KCNMA1: variants seen among roughly 807,000 people sequenced by gnomAD.
KCNMA1 encodes potassium calcium-activated channel subfamily M alpha 1, also known as Calcium-activated potassium channel subunit alpha-1.
In KCNMA1, 29 loss-of-function variants were observed where a neutral mutation model predicts 140.0. The observed-to-expected ratio is 0.21, with a 90% CI of 0.15 to 0.28. KCNMA1 has a LOEUF of 0.28. Ranked by LOEUF, KCNMA1 falls within the 10% of genes least tolerant of loss-of-function variation. The pLI is 1.00. For missense variants in KCNMA1, 880 were observed against 1,602.2 expected (o/e 0.55, Z 7.70); for synonymous variants, 612 against 611.9 (o/e 1.00, Z 0.00).
At chr10:77,302,776 AAC>A (rs2076834149) in intron 2 of KCNMA1, among the ~76,000 whole-genome samples, 1 of 152,152 alleles carries the variant, frequency 6.6e-6, no homozygotes, top group African/African-American at 2.4e-5. Flanking sequence ...AAAAAAAGGC[AAC>A]AGTGTAAAAA....
chr10:77,611,778 C>T (rs1012261730), intron 1 of KCNMA1, among the ~76,000 whole-genome samples: 1 of 152,104 alleles, frequency 6.6e-6, no homozygotes, highest in Non-Finnish European at 1.5e-5. Context: ...ACCAAAAACC[C>T]TTGCTGTGTG....
At chr10:77,509,172 G>A (rs1443761963) in intron 1 of KCNMA1, among the ~76,000 whole-genome samples, 1 of 152,092 alleles carries the variant, frequency 6.6e-6, no homozygotes, top group Non-Finnish European at 1.5e-5. Flanking sequence ...CCAGGCTGGA[G>A]TGCAGTGATG....
intron 5 of KCNMA1, among the ~76,000 whole-genome samples, chr10:77,135,767 T>C (rs775189371): frequency 6.6e-6 from 1 of 152,150 alleles, no homozygotes. Context: ...ATCTCACTCA[T>C]ATAAAACAGC....
At chr10:77,330,459 C>T (rs1194761680) in intron 2 of KCNMA1, among the ~76,000 whole-genome samples, 1 of 152,172 alleles carries the variant, frequency 6.6e-6, no homozygotes, top group Non-Finnish European at 1.5e-5. Context: ...AATATTAGTT[C>T]AGTGTTCCCA....
At chr10:77,361,823 C>T (rs1219256525) in intron 2 of KCNMA1, among the ~76,000 whole-genome samples, 1 of 152,222 alleles carries the variant, frequency 6.6e-6, no homozygotes, top group Non-Finnish European at 1.5e-5. Flanking sequence ...AAGAGCTGCC[C>T]AGGCTGATAT....
chr10:76,915,286 C>T (rs2052325322), intron 23 of KCNMA1, among the ~76,000 whole-genome samples: 2 of 152,118 alleles, frequency 1.3e-5, no homozygotes, highest in Non-Finnish European at 2.9e-5. Flanking sequence ...AGACTTCATA[C>T]CAATTATTTA....
At chr10:77,073,043 C>A in intron 14 of KCNMA1, 54 bp downstream of exon 14, 1 of 1,553,148 alleles carries the variant, frequency 6.4e-7, no homozygotes, top group Non-Finnish European at 8.9e-7. Flanking sequence ...CTCTACTCAA[C>A]CCCACGACAA....
At chr10:76,943,121 T>C (rs1350771344) in intron 23 of KCNMA1, among the ~76,000 whole-genome samples, 1 of 152,172 alleles carries the variant, frequency 6.6e-6, no homozygotes. Context: ...CCGGCTTGCC[T>C]CTTTCAACTC....
intron 1 of KCNMA1, among the ~76,000 whole-genome samples, chr10:77,593,654 C>A (rs914218185): frequency 6.6e-6 from 1 of 152,166 alleles, no homozygotes; most frequent in Non-Finnish European, 1.5e-5. Flanking sequence ...AATGTTATTT[C>A]TTTGGCATAG....
At chr10:77,382,439 A>G (rs924879432) in intron 2 of KCNMA1, among the ~76,000 whole-genome samples, 1 of 152,242 alleles carries the variant, frequency 6.6e-6, no homozygotes, top group Non-Finnish European at 1.5e-5. Context: ...TTGGAGGAGA[A>G]GAGCCCCTAT....
At chr10:76,970,148 C>T in intron 19 of KCNMA1, 81 bp from the exon 20 acceptor site, 4 of 1,064,742 alleles carry the variant, frequency 3.8e-6, no homozygotes, top group African/African-American at 1.6e-5. Flanking sequence ...AAAGGACACA[C>T]ACTCAAGGCT....
Position 77,389,000 on chromosome 10 carries a change from A to G in KCNMA1, c.540+14862T>C, listed in dbSNP as rs551159267. ...AAACTAGGCACAAGGGCAGAGGAATAGTGATGTTTTCTAATTTAGCATCCA... is the reference window on the plus strand; with the variant it reads ...AAACTAGGCACAAGGGCAGAGGAATGGTGATGTTTTCTAATTTAGCATCCA... On this transcript the variant is annotated intron_variant, in intron 2 of 27. Transcript: ENST00000286628. 2.6e-5 allele frequency among the ~76,000 whole-genome samples: 4 copies of G among 152,342 alleles called. No homozygotes were observed. In the South Asian group the frequency reaches 8.3e-4, roughly 32 times the overall value.
At chr10:77,576,455 C>G (rs2074119607) in intron 1 of KCNMA1, among the ~76,000 whole-genome samples, 1 of 152,192 alleles carries the variant, frequency 6.6e-6, no homozygotes, top group Non-Finnish European at 1.5e-5. Flanking sequence ...AACAAAACCT[C>G]AGGGATCTTG....
At chr10:77,292,667 G>A (rs1261992637) in intron 2 of KCNMA1, among the ~76,000 whole-genome samples, 19 of 152,166 alleles carry the variant, frequency 1.2e-4, no homozygotes, top group African/African-American at 7.2e-5. Flanking sequence ...GTCAACCTCC[G>A]GGTTGCCCTA....
At chr10:77,324,999 G>C (rs1038352480) in intron 2 of KCNMA1, among the ~76,000 whole-genome samples, 1 of 151,598 alleles carries the variant, frequency 6.6e-6, no homozygotes, top group African/African-American at 2.4e-5. Flanking sequence ...GTGTGTGTGT[G>C]TGTGTGTGTG....
chr10:77,627,413 A>G (rs1195347363), intron 1 of KCNMA1, among the ~76,000 whole-genome samples: 2 of 152,198 alleles, frequency 1.3e-5, no homozygotes, highest in Middle Eastern at 3.2e-3. Context: ...CTCCAGTCAC[A>G]GCTGCTGACA....
intron 1 of KCNMA1, among the ~76,000 whole-genome samples, chr10:77,481,393 A>T (rs550870815): frequency 6.6e-6 from 1 of 152,174 alleles, no homozygotes; most frequent in Non-Finnish European, 1.5e-5. Context: ...CTCCAAAATC[A>T]TACCTTTCCA....
At chr10:77,000,857 A>AAAATATATATATAT (rs1565460686) in intron 19 of KCNMA1, among the ~76,000 whole-genome samples, 1 of 36,660 alleles carries the variant, frequency 2.7e-5, no homozygotes, top group African/African-American at 9.2e-5. Context: ...GTAAAAAGAA[A>AAAATATATATATAT]ATATATATAT....
intron 2 of KCNMA1, among the ~76,000 whole-genome samples, chr10:77,289,226 G>A (rs1398493564): frequency 6.6e-6 from 1 of 152,108 alleles, no homozygotes; most frequent in Non-Finnish European, 1.5e-5. Context: ...TTTCCACCTT[G>A]AACCCAGCAG....
Sources: gnomAD v4.1 joint callset for allele counts (sites outside exome capture counted in the v4.1 genomes callset) on GRCh38, gnomAD v4.1.1 for gene constraint, MANE v1.5 for transcripts, NCBI Gene and HGNC (gene_info 2026-07-23, HGNC 2026-07-21) for gene names.